Variants in RMDN2 observed in about 807,000 individuals in gnomAD.
The protein encoded by RMDN2 is regulator of microtubule dynamics 2, also known as regulator of microtubule dynamics protein 2.
In RMDN2, 61 loss-of-function variants were observed where a neutral mutation model predicts 52.8. The observed-to-expected ratio is 1.16, with a 90% CI of 0.94 to 1.43. RMDN2 has a LOEUF of 1.43. Among genes scored for constraint, RMDN2 ranks in the 40% most tolerant of loss-of-function variants. The pLI, the probability that RMDN2 is intolerant of heterozygous loss-of-function variation, is 0.00. For synonymous variants in RMDN2, 180 were observed against 153.1 expected (o/e 1.18, Z -1.30); for missense variants, 592 against 475.3 (o/e 1.25, Z -2.28).
upstream of RMDN2, among the ~76,000 whole-genome samples, chr2:37,923,904 C>T (rs1666104796): frequency 6.6e-6 from 1 of 152,132 alleles, no homozygotes; most frequent in Non-Finnish European, 1.5e-5. Context: ...AGTGCGCCAC[C>T]ACACTCGGCT....
At chr2:38,052,507 G>C (rs1453467397) in intron 10 of RMDN2, among the ~76,000 whole-genome samples, 1 of 152,094 alleles carries the variant, frequency 6.6e-6, no homozygotes, top group Non-Finnish European at 1.5e-5. Flanking sequence ...TTCCTTTGCT[G>C]TACAGAAGGT....
In RMDN2 at chr2:37,929,616, G is replaced by A; in HGVS notation, c.339G>A (p.Gly113=). The A allele has an allele frequency of 6.4e-7, 1 of 1,551,492 alleles. No homozygotes were observed. Among genetic ancestry groups the A allele is most frequent in the South Asian group, 1.2e-5 (1 of 84,044 alleles). Residue 113 remains glycine, a synonymous_variant, in exon 2 of 11, where the codon GGG becomes GGA. Coordinates refer to ENST00000354545, the MANE Select transcript of RMDN2 (RefSeq NM_001170791.3). ...LEEYIQDELG[G]KITVHKISPQ... is the part of the protein sequence containing the mutation. ...AATATATACAAGATGAACTTGGAGG[G>A]AAAATAACTGTTCATAAGATAAGCC...
intron 5 of RMDN2, among the ~76,000 whole-genome samples, chr2:37,986,546 C>A (rs1437452545): frequency 6.6e-6 from 1 of 152,016 alleles, no homozygotes; most frequent in Non-Finnish European, 1.5e-5. Flanking sequence ...AAAATATTAG[C>A]AGATTGAATC....
chr2:37,978,064 A>G (rs1053617658), intron 4 of RMDN2, among the ~76,000 whole-genome samples: 2 of 152,204 alleles, frequency 1.3e-5, no homozygotes, highest in African/African-American at 4.8e-5. Context: ...TCTGTCTGCA[A>G]TCCCGACACC....
At chr2:37,999,296 A>G (rs114426159) in intron 8 of RMDN2, among the ~76,000 whole-genome samples, 1,977 of 152,322 alleles carry the variant, frequency 0.013, 49 homozygotes, top group African/African-American at 0.045. Context: ...TTTCATCAAT[A>G]ACATGGAGAT....
chr2:37,957,587 T>C (rs1381596078), intron 2 of RMDN2, among the ~76,000 whole-genome samples: 1 of 152,234 alleles, frequency 6.6e-6, no homozygotes, highest in African/African-American at 2.4e-5. Flanking sequence ...TCTGCCATTC[T>C]GTAGGTTGCC....
At chr2:37,976,576 C>T (rs780198557) in intron 4 of RMDN2, among the ~76,000 whole-genome samples, 11 of 152,200 alleles carry the variant, frequency 7.2e-5, no homozygotes, top group Non-Finnish European at 1.0e-4. Context: ...TCTGTGCTTT[C>T]GTTTCCCCCA....
intron 10 of RMDN2, among the ~76,000 whole-genome samples, chr2:38,044,275 A>G (rs1198319880): frequency 1.3e-5 from 2 of 152,004 alleles, no homozygotes; most frequent in Non-Finnish European, 2.9e-5. Flanking sequence ...CTCTACAGGT[A>G]AAGTATTTAG....
chr2:38,016,014 C>G (rs1427351748), intron 10 of RMDN2, among the ~76,000 whole-genome samples: 1 of 152,116 alleles, frequency 6.6e-6, no homozygotes, highest in Admixed American at 6.6e-5. Context: ...ATAAATATAG[C>G]CAATATATTA....
At chr2:37,920,901 G>T (rs748253334), upstream of RMDN2, among the ~76,000 whole-genome samples, 1 of 152,192 alleles carries the variant, frequency 6.6e-6, no homozygotes, top group African/African-American at 2.4e-5. Flanking sequence ...TTAAAGAAAC[G>T]TCATTCTTTT....
At chr2:38,066,894 T>C in intron 10 of RMDN2, 1 of 1,237,888 alleles carries the variant, frequency 8.1e-7, no homozygotes, top group Non-Finnish European at 1.2e-6. Flanking sequence ...TAGCCATACC[T>C]TCTGGCTGCT....
At chr2:37,978,358 C>A (rs935002400) in intron 4 of RMDN2, among the ~76,000 whole-genome samples, 1 of 151,370 alleles carries the variant, frequency 6.6e-6, no homozygotes, top group East Asian at 2.0e-4. Flanking sequence ...AAGGTAAATA[C>A]ATTTTTTTCA....
intron 8 of RMDN2, among the ~76,000 whole-genome samples, chr2:38,003,333 A>G (rs1676567913): frequency 6.6e-6 from 1 of 152,096 alleles, no homozygotes; most frequent in South Asian, 2.1e-4. Context: ...AGGGTGGATC[A>G]CCTGAGGTCA....
chr2:37,958,377 A>T (rs1389143094), intron 2 of RMDN2, among the ~76,000 whole-genome samples: 1 of 151,238 alleles, frequency 6.6e-6, no homozygotes, highest in Non-Finnish European at 1.5e-5. Flanking sequence ...TCTAAGTTGT[A>T]TTCCTAGGTA....
downstream of RMDN2, among the ~76,000 whole-genome samples, chr2:38,021,456 A>G (rs920911855): frequency 3.3e-5 from 5 of 152,132 alleles, no homozygotes; most frequent in Non-Finnish European, 7.3e-5. Flanking sequence ...CTCGGTCCAC[A>G]CTGCCTTTAT....
chr2:38,005,622 A>G (rs1385444345), intron 10 of RMDN2, among the ~76,000 whole-genome samples: 1 of 152,040 alleles, frequency 6.6e-6, no homozygotes, highest in African/African-American at 2.4e-5. Flanking sequence ...AGATGAGTAG[A>G]TTGCAAAAAT....
intron 2 of RMDN2, 89 bp from the exon 3 acceptor site, chr2:37,973,951 G>T (rs974558270): frequency 3.9e-6 from 4 of 1,013,906 alleles, no homozygotes; most frequent in African/African-American, 3.3e-5. Flanking sequence ...AGCATAAGAG[G>T]GGCATGATTT....
Position 37,961,048 on chromosome 2 carries a change from A to G in RMDN2, c.453-12992A>G, listed in dbSNP as rs1670161051. On this transcript the variant is annotated intron_variant, in intron 2 of 10. Transcript: ENST00000354545. ...CTTTTCTGGCTTGTAGGGTTTCTGC[A>G]GAGAGATCTCCTGTTAGTCTGATGG... is the stretch of plus-strand genomic sequence containing the variant. Among the ~76,000 whole-genome samples the G allele has an allele frequency of 2.0e-5, 3 of 152,206 alleles. No homozygotes were observed. The South Asian group carries it at 6.2e-4, about 32-fold the overall frequency.
intron 10 of RMDN2, among the ~76,000 whole-genome samples, chr2:38,022,836 AC>A (rs1159264263): frequency 6.6e-6 from 1 of 152,206 alleles, no homozygotes; most frequent in Non-Finnish European, 1.5e-5. Flanking sequence ...GTTAGCTTTT[AC>A]ACTAAACTTC....
Sources: allele counts gnomAD v4.1 joint callset (sites outside exome capture counted in the v4.1 genomes callset), GRCh38; gene constraint gnomAD v4.1.1; transcripts MANE v1.5; gene names NCBI Gene and HGNC (gene_info 2026-07-23, HGNC 2026-07-21).